Variants in ANKS1B observed in about 807,000 individuals in gnomAD.
ANKS1B encodes the protein ankyrin repeat and sterile alpha motif domain containing 1B, also known as ankyrin repeat and sterile alpha motif domain-containing protein 1B.
A neutral mutation model predicts 148.3 loss-of-function variants in ANKS1B; 36 were observed. The ratio of observed to expected loss-of-function variants is 0.24; its 90% CI spans 0.19 to 0.32. The LOEUF (loss-of-function observed/expected upper bound fraction) is 0.32. Ranked by LOEUF, ANKS1B falls within the 10% of genes least tolerant of loss-of-function variation. The probability of loss-of-function intolerance (pLI) is 1.00; values close to 1 mark genes in which losing one functional copy is unlikely to be tolerated. For synonymous variants in ANKS1B, 542 were observed against 560.8 expected (o/e 0.97, Z 0.47); for missense variants, 1,157 against 1,542.6 (o/e 0.75, Z 4.19).
chr12:99,143,435 G>A (rs17029089), intron 15 of ANKS1B, among the ~76,000 whole-genome samples: 28,038 of 152,030 alleles, frequency 0.18, 2,833 homozygotes, highest in East Asian at 0.32. Context: ...GACTAGCCTA[G>A]GTTGTCTGAA....
At chr12:99,775,704 A>C (rs376122423) in intron 6 of ANKS1B, 43 bp from the exon 7 acceptor site, 2 of 1,147,564 alleles carry the variant, frequency 1.7e-6, no homozygotes, top group Non-Finnish European at 2.5e-6. Flanking sequence ...GAATTCATTT[A>C]TTTTAAAATC....
At chr12:98,977,007 G>T (rs1426221447) in intron 17 of ANKS1B, among the ~76,000 whole-genome samples, 2 of 152,192 alleles carry the variant, frequency 1.3e-5, no homozygotes, top group African/African-American at 4.8e-5. Flanking sequence ...TGAAATTGAA[G>T]GGAAATATCG....
chr12:99,615,878 C>G lies in ANKS1B; in HGVS notation c.1272+39189G>C, dbSNP rs1451949664. 3.3e-5 allele frequency among the ~76,000 whole-genome samples: 5 copies of G among 152,028 alleles called. No individual in the cohort carries two copies. The South Asian group carries it at 6.2e-4, about 19-fold the overall frequency. On this transcript the variant is annotated intron_variant, in intron 9 of 26. Coordinates refer to ENST00000683438, the MANE Select transcript of ANKS1B (RefSeq NM_001352186.2). ...GTCTCCGTTTGCAGATGACATGATT[C>G]TATATTTAGAAAACCCTATCATCTC...
intron 25 of ANKS1B, among the ~76,000 whole-genome samples, chr12:98,769,428 A>G (rs906466043): frequency 1.3e-5 from 2 of 152,074 alleles, no homozygotes; most frequent in African/African-American, 4.8e-5. Flanking sequence ...AGAAGATTAA[A>G]ATGGAGGATC....
intron 1 of ANKS1B, among the ~76,000 whole-genome samples, chr12:99,888,125 T>C (rs556621103): frequency 3.3e-5 from 5 of 152,196 alleles, no homozygotes; most frequent in Non-Finnish European, 7.3e-5. Context: ...AGCCATTCAT[T>C]TGTTCACTCC....
chr12:98,891,470 G>A (rs575105810), intron 17 of ANKS1B, among the ~76,000 whole-genome samples: 20 of 152,112 alleles, frequency 1.3e-4, no homozygotes, highest in African/African-American at 4.8e-4. Flanking sequence ...GAACAGGAAT[G>A]GTTTTCATTT....
At position 99,167,132 on chromosome 12, in the gene ANKS1B, A is replaced by C. The variant is rs571029337; in HGVS notation, c.2420-12737T>G. On this transcript the variant is annotated intron_variant, in intron 14 of 26. Transcript: ENST00000683438. The stretch of plus-strand genomic sequence containing the variant: ...CTCAAACTGTATCATAGGCCTACCC[A>C]TACAATCTAAAACTACAAAATTTCT... Among the ~76,000 whole-genome samples, 3 of 152,174 alleles carry C rather than the reference A, an allele frequency of 2.0e-5. No individual in the cohort carries two copies. In the South Asian group the frequency reaches 6.2e-4, roughly 32 times the overall value.
intron 8 of ANKS1B, among the ~76,000 whole-genome samples, chr12:99,689,671 T>C (rs545533775): frequency 6.6e-6 from 1 of 152,310 alleles, no homozygotes; most frequent in Non-Finnish European, 1.5e-5. Flanking sequence ...ATCTGCTGGC[T>C]TTAAGAAAGT....
intron 9 of ANKS1B, among the ~76,000 whole-genome samples, chr12:99,575,807 G>C (rs977269508): frequency 1.3e-5 from 2 of 151,960 alleles, no homozygotes; most frequent in African/African-American, 4.8e-5. Flanking sequence ...ATACACTCAA[G>C]TACAAGGCCA....
chr12:98,835,790 G>A (rs914761493), intron 17 of ANKS1B, among the ~76,000 whole-genome samples: 1 of 152,152 alleles, frequency 6.6e-6, no homozygotes, highest in Non-Finnish European at 1.5e-5. Context: ...ACACAGGATG[G>A]TTAGTACTAT....
At chr12:98,762,159 GT>G (rs1360311208) in intron 25 of ANKS1B, among the ~76,000 whole-genome samples, 1 of 152,158 alleles carries the variant, frequency 6.6e-6, no homozygotes, top group Non-Finnish European at 1.5e-5. Context: ...ATTGAAAAGT[GT>G]CTATCAGTGA....
intron 24 of ANKS1B, among the ~76,000 whole-genome samples, chr12:98,776,340 G>C (rs2098674417): frequency 6.6e-6 from 1 of 152,218 alleles, no homozygotes; most frequent in African/African-American, 2.4e-5. Context: ...ATGCACCTCA[G>C]TTGAAAACTG....
chr12:98,985,877 C>A (rs2099923035), intron 17 of ANKS1B, among the ~76,000 whole-genome samples: 1 of 152,036 alleles, frequency 6.6e-6, no homozygotes, highest in Admixed American at 6.6e-5. Context: ...GTCATTTGTA[C>A]TGCCTGAAGA....
chr12:98,845,927 C>CT (rs889565826), intron 17 of ANKS1B, among the ~76,000 whole-genome samples: 14 of 149,650 alleles, frequency 9.4e-5, no homozygotes, highest in Admixed American at 2.7e-4. Context: ...TAAAAAGATA[C>CT]TTTTTTTTCT....
At chr12:99,285,445 C>T (rs960884488) in intron 12 of ANKS1B, among the ~76,000 whole-genome samples, 3 of 152,124 alleles carry the variant, frequency 2.0e-5, no homozygotes, top group Non-Finnish European at 4.4e-5. Flanking sequence ...CTCATTCTAT[C>T]GCCATTTGTT....
intron 8 of ANKS1B, among the ~76,000 whole-genome samples, chr12:99,764,712 C>T (rs1391189429): frequency 2.6e-5 from 4 of 152,164 alleles, no homozygotes; most frequent in South Asian, 2.1e-4. Flanking sequence ...CATGCACCAC[C>T]GTGCCTGGCC....
At chr12:99,024,812 C>A (rs976971900) in intron 17 of ANKS1B, among the ~76,000 whole-genome samples, 7 of 152,122 alleles carry the variant, frequency 4.6e-5, no homozygotes, top group Admixed American at 2.0e-4. Context: ...GGCCTGTACA[C>A]CCCCAGGGAA....
intron 9 of ANKS1B, among the ~76,000 whole-genome samples, chr12:99,553,274 A>G (rs943973164): frequency 1.3e-5 from 2 of 152,226 alleles, no homozygotes; most frequent in Non-Finnish European, 2.9e-5. Context: ...AAATTAGGAT[A>G]GCCCTCATCA....
At chr12:99,121,120 T>C (rs1188388257) in intron 15 of ANKS1B, among the ~76,000 whole-genome samples, 1 of 151,972 alleles carries the variant, frequency 6.6e-6, no homozygotes. Flanking sequence ...TCATATGTAT[T>C]GAGTCATAGT....
Sources: gnomAD v4.1 joint callset for allele counts (sites outside exome capture counted in the v4.1 genomes callset) on GRCh38, gnomAD v4.1.1 for gene constraint, MANE v1.5 for transcripts, NCBI Gene and HGNC (gene_info 2026-07-23, HGNC 2026-07-21) for gene names.